The following ADAMTS19 variants were observed in gnomAD, a reference collection of about 807,000 sequenced individuals.
The protein encoded by ADAMTS19 is A disintegrin and metalloproteinase with thrombospondin motifs 19.
In ADAMTS19, 93 loss-of-function variants were observed where a neutral mutation model predicts 153.3. The ratio of observed to expected loss-of-function variants is 0.61; its 90% CI spans 0.51 to 0.72. The LOEUF (loss-of-function observed/expected upper bound fraction) is 0.72. Among genes scored for constraint, ADAMTS19 ranks in the 30% least tolerant of loss-of-function variants. The probability of loss-of-function intolerance (pLI) is 0.00; values close to 1 mark genes in which losing one functional copy is unlikely to be tolerated. For missense variants in ADAMTS19, 1,482 were observed against 1,552.1 expected, an observed-to-expected ratio of 0.95 and a Z score of 0.76; for synonymous variants, 600 against 556.6, an observed-to-expected ratio of 1.08 and a Z score of -1.10.
rs1441903062 is a variant in ADAMTS19, at chr5:129,461,098, G to A, written c.92-4G>A. The A allele has an allele frequency of 2.9e-6, 4 of 1,391,394 alleles. No homozygotes were observed. Among genetic ancestry groups the A allele is most frequent in the Middle Eastern group, 2.7e-4 (1 of 3,718 alleles). 86.2% of individuals were successfully genotyped at this position (1,391,394 alleles called of 1,614,324 possible). A position where few individuals can be genotyped will look rare whatever the true frequency, so the allele number is the denominator to read the frequency against. On this transcript the variant is annotated splice_polypyrimidine_tract_variant and splice_region_variant and intron_variant, in intron 1 of 22. Transcript: ENST00000274487. This position sits in a 1 kb window ranked among gnomAD's most constrained non-coding sequence, Gnocchi z 4.6. ...CCCCGCACTTCTGTCTGCCCCGCCC[G>A]CAGAGCTGCAGTTCGCCCCCGACCG... is the stretch of plus-strand genomic sequence containing the variant.
At position 129,658,305 on chromosome 5, in the gene ADAMTS19, AAGAAAAAG is replaced by A. The variant is rs1263607701; in HGVS notation, c.2305-310_2305-303del. On this transcript the variant is annotated intron_variant, in intron 14 of 22. Coordinates refer to ENST00000274487, the MANE Select transcript of ADAMTS19 (RefSeq NM_133638.6). ...CATCTGAAAGAAAAAGAAAGAAAGA[AAGAAAAAG>A]AAAGAAAGAAAGAAAGAAAGAAAGA... Among the ~76,000 whole-genome samples the A allele has an allele frequency of 4.7e-4, 49 of 104,898 alleles. 2 individuals are homozygous for A. The highest frequency in any genetic ancestry group is 1.7e-3 in the African/African-American group (39 of 23,070). 68.8% of individuals were successfully genotyped at this position (104,898 alleles called of 152,430 possible). A position where few individuals can be genotyped will look rare whatever the true frequency, so the allele number is the denominator to read the frequency against.
At chr5:129,598,799 G>A (rs1334397227) in intron 8 of ADAMTS19, among the ~76,000 whole-genome samples, 4 of 152,068 alleles carry the variant, frequency 2.6e-5, no homozygotes, top group Admixed American at 2.6e-4. Context: ...ATTTGCCAGG[G>A]GATTGGTTCC....
At chr5:129,559,229 A>G (rs947338849) in intron 7 of ADAMTS19, among the ~76,000 whole-genome samples, 5 of 152,248 alleles carry the variant, frequency 3.3e-5, no homozygotes, top group African/African-American at 1.2e-4. Flanking sequence ...ATGTATATTA[A>G]TAGTATTTCC....
At chr5:129,551,799 T>A (rs1046187663) in intron 6 of ADAMTS19, 65 bp from the exon 7 acceptor site, 1 of 961,624 alleles carries the variant, frequency 1.0e-6, no homozygotes, top group Non-Finnish European at 1.6e-6. Context: ...TAAAAATGAG[T>A]CACTTGATGT....
chr5:129,485,225 A>G (rs1049702189), intron 2 of ADAMTS19, among the ~76,000 whole-genome samples: 1 of 152,150 alleles, frequency 6.6e-6, no homozygotes, highest in Admixed American at 6.6e-5. Context: ...TCAAATTTAG[A>G]AATAAAACAA....
At chr5:129,551,794 A>T in intron 6 of ADAMTS19, 70 bp from the exon 7 acceptor site, 2 of 923,784 alleles carry the variant, frequency 2.2e-6, no homozygotes, top group Non-Finnish European at 3.3e-6. Flanking sequence ...ACTATTAAAA[A>T]TGAGTCACTT....
At chr5:129,647,181 T>C (rs1157581595) in intron 11 of ADAMTS19, among the ~76,000 whole-genome samples, 1 of 145,766 alleles carries the variant, frequency 6.9e-6, no homozygotes, top group Non-Finnish European at 1.5e-5. Context: ...CTTGCTGTAA[T>C]GTTAATGTTT....
At chr5:129,615,776 G>T (rs1581149537) in intron 8 of ADAMTS19, among the ~76,000 whole-genome samples, 1 of 151,932 alleles carries the variant, frequency 6.6e-6, no homozygotes, top group Non-Finnish European at 1.5e-5. Context: ...TTGAAAAGGG[G>T]CAGATAAGTA....
intron 14 of ADAMTS19, among the ~76,000 whole-genome samples, chr5:129,654,681 T>C (rs1753466183): frequency 1.3e-5 from 2 of 152,188 alleles, no homozygotes; most frequent in African/African-American, 4.8e-5. Context: ...AGATTTTGAT[T>C]GTGTAATATA....
At chr5:129,508,860 G>A (rs1439137872) in intron 2 of ADAMTS19, among the ~76,000 whole-genome samples, 1 of 151,902 alleles carries the variant, frequency 6.6e-6, no homozygotes. Context: ...CACGGATTAA[G>A]ACTAACTAAA....
Position 129,586,703 on chromosome 5 carries a change from T to A in ADAMTS19, c.1373-9856T>A, listed in dbSNP as rs1749817655. 2.0e-5 allele frequency among the ~76,000 whole-genome samples: 3 copies of A among 152,172 alleles called. 1 individual carries two copies. In the South Asian group the frequency reaches 6.2e-4, roughly 31 times the overall value. ...ATTGCTGGATCATATGGTAAGAGTA[T>A]GTTTAGTTTTATAAGCAATTGCCAA... On this transcript the variant is annotated intron_variant, in intron 7 of 22. Coordinates refer to ENST00000274487, the MANE Select transcript of ADAMTS19 (RefSeq NM_133638.6).
intron 19 of ADAMTS19, 144 bp from the exon 20 acceptor site, chr5:129,701,244 C>G (rs956997011): frequency 1.2e-6 from 1 of 865,240 alleles, no homozygotes; most frequent in Non-Finnish European, 1.8e-6. Context: ...CCTCCCCAGC[C>G]ACATGGAACT....
At chr5:129,597,092 T>G (rs1429603904) in intron 8 of ADAMTS19, among the ~76,000 whole-genome samples, 1 of 152,206 alleles carries the variant, frequency 6.6e-6, no homozygotes, top group African/African-American at 2.4e-5. Context: ...TTAGATATAA[T>G]GTATTTGAAA....
intron 10 of ADAMTS19, among the ~76,000 whole-genome samples, chr5:129,637,608 G>A (rs533365490): frequency 1.5e-4 from 23 of 152,242 alleles, no homozygotes; most frequent in African/African-American, 5.5e-4. Context: ...ACTTTAGGAG[G>A]CCGATGCGGG....
intron 7 of ADAMTS19, among the ~76,000 whole-genome samples, chr5:129,552,142 C>CT (rs1485369052): frequency 6.6e-6 from 1 of 151,568 alleles, no homozygotes; most frequent in African/African-American, 2.4e-5. Context: ...ATAATTAGTC[C>CT]TTTTTTGTTA....
At chr5:129,696,194 G>A (rs1040970947) in intron 19 of ADAMTS19, among the ~76,000 whole-genome samples, 1 of 152,094 alleles carries the variant, frequency 6.6e-6, no homozygotes, top group Non-Finnish European at 1.5e-5. Flanking sequence ...AAGAATTTGG[G>A]ATCACCTGAG....
intron 4 of ADAMTS19, among the ~76,000 whole-genome samples, chr5:129,527,004 G>A (rs978651298): frequency 7.9e-5 from 12 of 151,838 alleles, no homozygotes; most frequent in African/African-American, 1.2e-4. Context: ...TATTATATAC[G>A]TATGTAAAAT....
chr5:129,526,003 A>G (rs1021533193), intron 3 of ADAMTS19, among the ~76,000 whole-genome samples: 1 of 152,064 alleles, frequency 6.6e-6, no homozygotes, highest in African/African-American at 2.4e-5. Flanking sequence ...TGATCTTATT[A>G]TAAGCCATCA....
chr5:129,571,372 A>G lies in ADAMTS19; in HGVS notation c.1372+19465A>G, dbSNP rs560720478. Among the ~76,000 whole-genome samples the G allele has an allele frequency of 1.5e-3, 233 of 151,814 alleles. 1 individual carries two copies. The highest frequency in any genetic ancestry group is 5.2e-3 in the African/African-American group (216 of 41,522). ...TGTATATATATGTATATGTATAAAC[A>G]TTAGGACATGATATATATGTGTTTC... is the stretch of plus-strand genomic sequence containing the variant. On this transcript the variant is annotated intron_variant, in intron 7 of 22. Coordinates refer to ENST00000274487, the MANE Select transcript of ADAMTS19 (RefSeq NM_133638.6).
Sources: gnomAD v4.1 joint callset for allele counts (sites outside exome capture counted in the v4.1 genomes callset) on GRCh38, gnomAD v4.1.1 for gene constraint, Gnocchi (gnomAD v3.1) non-coding constraint, MANE v1.5 for transcripts, NCBI Gene and HGNC (gene_info 2026-07-23, HGNC 2026-07-21) for gene names.